The following ERCC1 variants were observed in gnomAD, a reference collection of about 807,000 sequenced individuals.
The protein encoded by ERCC1 is ERCC excision repair 1, endonuclease non-catalytic subunit.
ERCC1 carries 36 observed loss-of-function variants against 37.6 expected under a neutral mutation model. That is an observed-to-expected ratio of 0.96 (90% confidence interval 0.73 to 1.26). The LOEUF (loss-of-function observed/expected upper bound fraction) is 1.26. Among genes scored for constraint, ERCC1 ranks in the 50% most tolerant of loss-of-function variants. The pLI, the probability that ERCC1 is intolerant of heterozygous loss-of-function variation, is 0.00. For synonymous variants in ERCC1, 156 were observed against 162.1 expected (o/e 0.96, Z 0.28); for missense variants, 349 against 376.5 (o/e 0.93, Z 0.60).
At chr19:45,416,747 G>A in intron 6 of ERCC1, 74 bp downstream of exon 6, 1 of 1,125,696 alleles carries the variant, frequency 8.9e-7, no homozygotes, top group Non-Finnish European at 1.3e-6. Flanking sequence ...GGGAAGGGCT[G>A]GGCAGGGTGG....
Position 45,408,141 on chromosome 19 carries a change from G to A in ERCC1, c.*1534C>T. 6.3e-7 allele frequency: 1 copy of A among 1,597,634 alleles called. No individual in the cohort carries two copies. Among genetic ancestry groups the A allele is most frequent in the Non-Finnish European group, 8.6e-7 (1 of 1,167,984 alleles). ...CCTGTTTCTCTCTGTAGCTTCAATG[G>A]GCGGCATGTGCCTCTCTCTGGCTCC... is the stretch of plus-strand genomic sequence containing the variant. On this transcript the variant is annotated 3_prime_UTR_variant, in exon 10 of 10. Coordinates refer to ENST00000300853, the MANE Select transcript of ERCC1 (RefSeq NM_001983.4).
At position 45,423,381 on chromosome 19, in the gene ERCC1, C is replaced by G; in HGVS notation, c.-7G>C. ...TGTCCTTCCCAGGGTCCATCTGGAG[C>G]CTGAAAGGGAAGGTGCCAGGAGCGA... On this transcript the variant is annotated splice_region_variant and 5_prime_UTR_variant, in exon 2 of 10. Coordinates refer to ENST00000300853, the MANE Select transcript of ERCC1 (RefSeq NM_001983.4). The G allele has an allele frequency of 4.3e-6, 7 of 1,609,920 alleles. No homozygotes were observed. Among genetic ancestry groups the G allele is most frequent in the Non-Finnish European group, 5.9e-6 (7 of 1,178,308 alleles).
At chr19:45,410,327 G>A (rs1973638126) in intron 9 of ERCC1, 1 of 152,018 alleles carries the variant, frequency 6.6e-6, no homozygotes, top group Non-Finnish European at 1.5e-5. Context: ...GGGCCTAAAG[G>A]TGCCCACCAC....
intron 4 of ERCC1, 105 bp from the exon 5 acceptor site, chr19:45,419,302 G>A (rs1453728203): frequency 3.7e-6 from 3 of 810,942 alleles, no homozygotes; most frequent in South Asian, 2.9e-5. Context: ...TACGGCATGG[G>A]GGACAGAGGG....
chr19:45,418,807 G>A (rs1031183321), intron 5 of ERCC1, among the ~76,000 whole-genome samples: 1 of 152,138 alleles, frequency 6.6e-6, no homozygotes, highest in African/African-American at 2.4e-5. Flanking sequence ...TGGGCAACAA[G>A]AGCGAAACTC....
intron 1 of ERCC1, among the ~76,000 whole-genome samples, chr19:45,432,032 C>T (rs141651970): frequency 2.7e-3 from 416 of 152,080 alleles, no homozygotes; most frequent in African/African-American, 9.5e-3. Context: ...AGTGCAATGG[C>T]GCAATCTTGG....
intron 1 of ERCC1, among the ~76,000 whole-genome samples, chr19:45,443,527 C>T (rs905292843): frequency 6.6e-6 from 1 of 152,178 alleles, no homozygotes; most frequent in Non-Finnish European, 1.5e-5. Flanking sequence ...TGTGACGTCA[C>T]GAGCCGCTCC....
At chr19:45,451,046 G>C (rs1967106298) in intron 1 of ERCC1, among the ~76,000 whole-genome samples, 1 of 152,062 alleles carries the variant, frequency 6.6e-6, no homozygotes, top group African/African-American at 2.4e-5. Flanking sequence ...GGCCCGCCGG[G>C]AGCCCGGGGC....
At chr19:45,447,859 G>A (rs981384891) in intron 1 of ERCC1, among the ~76,000 whole-genome samples, 1 of 151,170 alleles carries the variant, frequency 6.6e-6, no homozygotes, top group Non-Finnish European at 1.5e-5. Context: ...AATTCTCTGG[G>A]CTTCTTTCTC....
chr19:45,438,937 G>A (rs917816076), intron 1 of ERCC1, among the ~76,000 whole-genome samples: 15 of 152,252 alleles, frequency 9.9e-5, no homozygotes, highest in Middle Eastern at 3.4e-3. Flanking sequence ...CACCGCGCCC[G>A]GCCCGAAGTT....
chr19:45,410,546 T>C (rs1177781109), intron 9 of ERCC1: 1 of 151,156 alleles, frequency 6.6e-6, no homozygotes, highest in African/African-American at 2.4e-5. Flanking sequence ...TCAAATAGTA[T>C]GTCTTATTCA....
chr19:45,438,348 G>A (rs979694122), intron 1 of ERCC1, among the ~76,000 whole-genome samples: 5 of 152,172 alleles, frequency 3.3e-5, no homozygotes, highest in Admixed American at 1.3e-4. Flanking sequence ...ATTTATAGGC[G>A]TGAGTCACCG....
intron 9 of ERCC1, among the ~76,000 whole-genome samples, chr19:45,411,885 C>A (rs894833127): frequency 6.6e-6 from 1 of 151,674 alleles, no homozygotes; most frequent in African/African-American, 2.4e-5. Context: ...GAGATGGAGT[C>A]TCACTCTGTC....
chr19:45,423,436 C>T, intron 1 of ERCC1, 55 bp from the exon 2 acceptor site: 2 of 1,552,062 alleles, frequency 1.3e-6, no homozygotes, highest in East Asian at 2.4e-5. Flanking sequence ...GTTCTCATCC[C>T]GCAGCAGGAA....
chr19:45,434,206 T>A (rs73564941), intron 1 of ERCC1, among the ~76,000 whole-genome samples: 1 of 144,488 alleles, frequency 6.9e-6, no homozygotes, highest in African/African-American at 2.6e-5. Flanking sequence ...CCTGTCCATG[T>A]GCCCTGGCTC....
chr19:45,425,824 TTC>T (rs755360195), upstream of ERCC1, among the ~76,000 whole-genome samples: 3 of 152,218 alleles, frequency 2.0e-5, no homozygotes, highest in African/African-American at 4.8e-5. Context: ...TTTCTGACAT[TTC>T]TGTTATGTTC....
intron 1 of ERCC1, among the ~76,000 whole-genome samples, chr19:45,437,469 A>G (rs1306753985): frequency 6.6e-6 from 1 of 152,198 alleles, no homozygotes; most frequent in African/African-American, 2.4e-5. Context: ...ATCAAGGGAC[A>G]TAATGGATAA....
chr19:45,420,298 G>A lies in ERCC1; in HGVS notation c.425+26C>T, dbSNP rs1001565080. The A allele has an allele frequency of 3.1e-5, 47 of 1,504,538 alleles. No homozygotes were observed. Among genetic ancestry groups the A allele is most frequent in the Non-Finnish European group, 3.9e-5 (42 of 1,086,458 alleles). 93.2% of individuals were successfully genotyped at this position (1,504,538 alleles called of 1,614,324 possible). A position where few individuals can be genotyped will look rare whatever the true frequency, so the allele number is the denominator to read the frequency against. ...AGGCCAGTGGGGTGCCCTTCCTGAA[G>A]TCTGGGGTGGCGCCGCAGAGCTCAC... is the stretch of plus-strand genomic sequence containing the variant. On this transcript the variant is annotated intron_variant, in intron 4 of 9. Coordinates refer to ENST00000300853, the MANE Select transcript of ERCC1 (RefSeq NM_001983.4). The surrounding 1 kb of genome is among the most constrained non-coding windows in gnomAD (Gnocchi z 4.8).
At chr19:45,436,397 C>A (rs891493323) in intron 1 of ERCC1, among the ~76,000 whole-genome samples, 1 of 151,818 alleles carries the variant, frequency 6.6e-6, no homozygotes, top group African/African-American at 2.4e-5. Flanking sequence ...GAGGCCGAGG[C>A]GGGCGGATCA....
Sources: gnomAD v4.1 joint callset for allele counts (sites outside exome capture counted in the v4.1 genomes callset) on GRCh38, gnomAD v4.1.1 for gene constraint, Gnocchi (gnomAD v3.1) non-coding constraint, MANE v1.5 for transcripts, NCBI Gene and HGNC (gene_info 2026-07-23, HGNC 2026-07-21) for gene names.